ACTN4: variants seen among roughly 807,000 people sequenced by gnomAD.
ACTN4 encodes the protein actinin alpha 4, also known as alpha-actinin-4.
Under a neutral mutation model 114.2 loss-of-function variants are expected in ACTN4, and 18 were observed. The observed-to-expected ratio is 0.16, with a 90% CI of 0.11 to 0.23. ACTN4 has a LOEUF of 0.23. Among genes scored for constraint, ACTN4 ranks in the 10% least tolerant of loss-of-function variants. The pLI, the probability that ACTN4 is intolerant of heterozygous loss-of-function variation, is 1.00. For synonymous variants in ACTN4, 515 were observed against 506.3 expected (o/e 1.02, Z -0.23); for missense variants, 722 against 1,262.9 (o/e 0.57, Z 6.49).
chr19:38,653,083 C>G (rs1976614877), intron 1 of ACTN4, among the ~76,000 whole-genome samples: 1 of 99,770 alleles, frequency 1.0e-5, no homozygotes, highest in Admixed American at 9.8e-5. Context: ...AAGACTCCAT[C>G]TCAAAAAAAA....
At position 38,724,038 on chromosome 19, in the gene ACTN4, C is replaced by G; in HGVS notation, c.1653C>G (p.Leu551=). Residue 551 remains leucine, a synonymous_variant, in exon 14 of 21, where the codon CTC becomes CTG. Coordinates refer to ENST00000252699, the MANE Select transcript of ACTN4 (RefSeq NM_004924.6). The surrounding 1 kb of genome is among the most constrained non-coding windows in gnomAD (Gnocchi z 7.0). ...NNWMESAMED[L]QDMFIVHTIE... ...GGATGGAGAGCGCCATGGAGGACCT[C>G]CAGGACATGTTCATCGTCCATACCA... 6.2e-7 allele frequency: 1 copy of G among 1,613,892 alleles called. No homozygotes were observed. Among genetic ancestry groups the G allele is most frequent in the Non-Finnish European group, 8.5e-7 (1 of 1,180,014 alleles).
Position 38,731,464 on chromosome 19 carries a change from CAG to C in ACTN4, c.*2033_*2034del. 1 of 564,336 alleles carries C rather than the reference CAG, an allele frequency of 1.8e-6. No individual in the cohort carries two copies. Among genetic ancestry groups the C allele is most frequent in the South Asian group, 2.0e-5 (1 of 49,334 alleles). The allele number at this position is 564,336 out of a possible 1,614,324, so 35.0% of individuals were successfully genotyped here. A position where few individuals can be genotyped will look rare whatever the true frequency, so the allele number is the denominator to read the frequency against. On this transcript the variant is annotated 3_prime_UTR_variant, in exon 21 of 21. Coordinates refer to ENST00000252699, the MANE Select transcript of ACTN4 (RefSeq NM_004924.6). ...GTGTGTGAAGACAGAACGCTCAGGA[CAG>C]CGTCTGACACGTGACTCGATGTGTG...
chr19:38,677,350 AT>A (rs1691947805), intron 1 of ACTN4, among the ~76,000 whole-genome samples: 1 of 139,078 alleles, frequency 7.2e-6, no homozygotes, highest in Non-Finnish European at 1.7e-5. Context: ...ATAAATATGT[AT>A]TGAATGAATA....
chr19:38,651,723 T>G (rs1013191218), intron 1 of ACTN4, among the ~76,000 whole-genome samples: 1 of 147,216 alleles, frequency 6.8e-6, no homozygotes, highest in African/African-American at 2.7e-5. Context: ...TTTGTATTTG[T>G]TTTTTTTGTT....
chr19:38,670,815 C>T lies in ACTN4; in HGVS notation c.162+22908C>T, dbSNP rs766017396. ...GCTTGTGCTTGTAATCCCAGCTACTCGGGAGGCTGAGGCAGGAGAATCCCT... is the reference window on the plus strand; with the variant it reads ...GCTTGTGCTTGTAATCCCAGCTACTTGGGAGGCTGAGGCAGGAGAATCCCT... On this transcript the variant is annotated intron_variant, in intron 1 of 20. Coordinates refer to ENST00000252699, the MANE Select transcript of ACTN4 (RefSeq NM_004924.6). Among the ~76,000 whole-genome samples, 8 of 151,360 alleles carry T rather than the reference C, an allele frequency of 5.3e-5. No individual in the cohort carries two copies. In the South Asian group the frequency reaches 6.3e-4, roughly 12 times the overall value.
At chr19:38,679,562 G>GGTGGGTGTGTGT in intron 1 of ACTN4, among the ~76,000 whole-genome samples, 1 of 96,298 alleles carries the variant, frequency 1.0e-5, no homozygotes, top group African/African-American at 3.3e-5. Context: ...AATAGATTTG[G>GGTGGGTGTGTGT]GTGTGCGTGT....
intron 9 of ACTN4, among the ~76,000 whole-genome samples, chr19:38,716,577 T>C (rs1041308980): frequency 8.5e-5 from 13 of 152,234 alleles, no homozygotes; most frequent in African/African-American, 2.9e-4. Context: ...CTCACCCCTG[T>C]CATCCCACCA....
chr19:38,699,521 G>C (rs994565583), intron 1 of ACTN4, among the ~76,000 whole-genome samples: 1 of 152,136 alleles, frequency 6.6e-6, no homozygotes, highest in Non-Finnish European at 1.5e-5. Flanking sequence ...TTGGGAGACC[G>C]AGGCGGGTAG....
Position 38,725,857 on chromosome 19 carries a change from A to T in ACTN4, c.2144A>T (p.Gln715Leu). 1 of 1,614,164 alleles carries T rather than the reference A, an allele frequency of 6.2e-7. No individual in the cohort carries two copies. The highest frequency in any genetic ancestry group is 8.5e-7 in the Non-Finnish European group (1 of 1,180,044). The change falls in exon 17 of 21, where the codon CAG (glutamine) becomes CTG (leucine). Residue 715 changes from glutamine to leucine, a missense_variant. Around this residue, in one of 3 missense-constraint regions of ACTN4, gnomAD observed 523 missense variants for 875.9 expected, o/e 0.60. Coordinates refer to ENST00000252699, the MANE Select transcript of ACTN4 (RefSeq NM_004924.6). Reference sequence around the variant, plus strand: ...CTGGAGCAGCAGCACCAGCTCATCCAGGAGGCCCTCATCTTCGACAACAAG... The same window carrying T: ...CTGGAGCAGCAGCACCAGCTCATCCTGGAGGCCCTCATCTTCGACAACAAG... The part of the protein sequence containing the change: ...DLLEQQHQLI[Q>L]EALIFDNKHT...
chr19:38,692,760 C>T (rs1313304269), intron 1 of ACTN4, among the ~76,000 whole-genome samples: 2 of 152,152 alleles, frequency 1.3e-5, no homozygotes, highest in Non-Finnish European at 2.9e-5. Flanking sequence ...GAATAAATAG[C>T]TGTACCTCCC....
chr19:38,697,036 CTG>C lies in ACTN4; in HGVS notation c.163-3563_163-3562del, dbSNP rs540508865. On this transcript the variant is annotated intron_variant, in intron 1 of 20. Transcript: ENST00000252699. ...ACTGTCCTGTTTATCAGTGAGGAAA[CTG>C]AGGCTTATTGCTTGCCTGAGGCCTC... Among the ~76,000 whole-genome samples the C allele has an allele frequency of 7.0e-4, 107 of 152,366 alleles. 1 individual carries two copies. Among genetic ancestry groups the C allele is most frequent in the African/African-American group, 2.5e-3 (102 of 41,588 alleles).
intron 1 of ACTN4, among the ~76,000 whole-genome samples, chr19:38,673,517 T>TCATATA (rs1555826155): frequency 1.2e-5 from 1 of 80,392 alleles, no homozygotes; most frequent in East Asian, 3.8e-4. Context: ...GAATATATAT[T>TCATATA]TATATATATT....
intron 1 of ACTN4, among the ~76,000 whole-genome samples, chr19:38,688,473 A>T (rs1178020946): frequency 3.3e-5 from 5 of 150,148 alleles, no homozygotes; most frequent in Admixed American, 3.3e-4. Flanking sequence ...GGGGAGGCTG[A>T]GGTGGGAGAA....
intron 4 of ACTN4, 108 bp downstream of exon 4, chr19:38,705,128 C>A: frequency 1.9e-6 from 2 of 1,080,340 alleles, no homozygotes; most frequent in Non-Finnish European, 2.8e-6. Flanking sequence ...TCCTTGGGGT[C>A]ACTCACAGGG....
rs550716671 is a variant in ACTN4, at chr19:38,727,927, C to G, written c.2338-19C>G. 1.2e-6 allele frequency: 2 copies of G among 1,611,940 alleles called. No individual in the cohort carries two copies. Among genetic ancestry groups the G allele is most frequent in the Non-Finnish European group, 1.7e-6 (2 of 1,179,368 alleles). Reference sequence around the variant, plus strand: ...CACGCCGCCCCTCCCGCACACCTGCCTTCGGATGGCCCCGGCAGGATCATG... The same window carrying G: ...CACGCCGCCCCTCCCGCACACCTGCGTTCGGATGGCCCCGGCAGGATCATG... On this transcript the variant is annotated intron_variant, in intron 18 of 20. Transcript: ENST00000252699. The surrounding 1 kb of genome is among the most constrained non-coding windows in gnomAD (Gnocchi z 5.4).
At chr19:38,696,066 A>G (rs970844835) in intron 1 of ACTN4, among the ~76,000 whole-genome samples, 4 of 152,196 alleles carry the variant, frequency 2.6e-5, no homozygotes, top group Non-Finnish European at 5.9e-5. Context: ...CGAGGGTGAC[A>G]GAATTAGTAA....
At chr19:38,707,550 T>C (rs894621742) in intron 5 of ACTN4, among the ~76,000 whole-genome samples, 3 of 152,102 alleles carry the variant, frequency 2.0e-5, no homozygotes, top group Admixed American at 6.5e-5. Context: ...ACTGACCAAC[T>C]TGTGGCCTTG....
At position 38,726,357 on chromosome 19, in the gene ACTN4, C is replaced by T. The variant is rs980169226; in HGVS notation, c.2190+454C>T. On this transcript the variant is annotated intron_variant, in intron 17 of 20. Transcript: ENST00000252699. ...TAGACATTTTTAAAAATTACACTTTCCCTAGCACTGCTCTCATCACCATGA... is the reference window on the plus strand; with the variant it reads ...TAGACATTTTTAAAAATTACACTTTTCCTAGCACTGCTCTCATCACCATGA... Among the ~76,000 whole-genome samples, 4 of 152,176 alleles carry T rather than the reference C, an allele frequency of 2.6e-5. No individual in the cohort carries two copies. In the South Asian group the frequency reaches 6.2e-4, roughly 24 times the overall value.
chr19:38,657,860 G>A (rs1285446205), intron 1 of ACTN4, among the ~76,000 whole-genome samples: 4 of 152,188 alleles, frequency 2.6e-5, no homozygotes, highest in Admixed American at 2.6e-4. Flanking sequence ...AGTGGTGGAA[G>A]CTGACTTCAG....
Sources: gnomAD v4.1 joint callset for allele counts (sites outside exome capture counted in the v4.1 genomes callset) on GRCh38, gnomAD v4.1.1 for gene constraint, gnomAD v4.1.1 regional missense constraint, Gnocchi (gnomAD v3.1) non-coding constraint, MANE v1.5 for transcripts, NCBI Gene and HGNC (gene_info 2026-07-23, HGNC 2026-07-21) for gene names.